The following RAD54B variants were observed in gnomAD, a reference collection of about 807,000 sequenced individuals.
The protein encoded by RAD54B is DNA repair and recombination protein RAD54B.
Under a neutral mutation model 95.8 loss-of-function variants are expected in RAD54B, and 78 were observed. The observed-to-expected ratio is 0.81, with a 90% CI of 0.68 to 0.98. The LOEUF (loss-of-function observed/expected upper bound fraction) is 0.98, where lower values mean the gene tolerates loss of function less well. RAD54B is among the 50% of genes least tolerant of loss of function. The probability of loss-of-function intolerance (pLI) is 0.00; values close to 1 mark genes in which losing one functional copy is unlikely to be tolerated. For missense variants in RAD54B, 957 were observed against 1,056.6 expected (o/e 0.91, Z 1.31); for synonymous variants, 328 against 354.9 (o/e 0.92, Z 0.85).
chr8:94,464,336 G>A (rs1812975995), intron 2 of RAD54B, among the ~76,000 whole-genome samples: 1 of 152,160 alleles, frequency 6.6e-6, no homozygotes, highest in African/African-American at 2.4e-5. Context: ...AGGGGACCAT[G>A]AGCCAAGGAA....
intron 3 of RAD54B, among the ~76,000 whole-genome samples, chr8:94,422,852 G>C (rs1343356375): frequency 6.7e-6 from 1 of 148,758 alleles, no homozygotes; most frequent in African/African-American, 2.5e-5. Context: ...AGATATAGGA[G>C]GCTATGTTCC....
chr8:94,412,370 ATT>A (rs66586571), intron 3 of RAD54B, among the ~76,000 whole-genome samples: 126,171 of 148,324 alleles, frequency 0.85, 54,789 homozygotes, highest in Non-Finnish European at 0.95. Context: ...TGCCAATTTC[ATT>A]TTTTTTTTTT....
chr8:94,392,844 T>C (rs1173451210), intron 9 of RAD54B, among the ~76,000 whole-genome samples: 1 of 131,922 alleles, frequency 7.6e-6, no homozygotes. Context: ...TTTAGTTTTG[T>C]TTTTTTTTTT....
chr8:94,453,725 G>T (rs1453712256), intron 3 of RAD54B, among the ~76,000 whole-genome samples: 1 of 152,084 alleles, frequency 6.6e-6, no homozygotes, highest in East Asian at 1.9e-4. Context: ...CTAGTAACTG[G>T]TTACCTCTGG....
intron 3 of RAD54B, chr8:94,432,232 T>C: frequency 1.3e-6 from 2 of 1,550,434 alleles, no homozygotes; most frequent in Non-Finnish European, 1.7e-6. Flanking sequence ...AGCTGCTGCC[T>C]TCTTTTCAAT....
At chr8:94,394,246 A>C (rs530146439) in intron 8 of RAD54B, among the ~76,000 whole-genome samples, 1 of 152,174 alleles carries the variant, frequency 6.6e-6, no homozygotes, top group Non-Finnish European at 1.5e-5. Flanking sequence ...AATGCAGATA[A>C]TAACAGTCGT....
intron 3 of RAD54B, among the ~76,000 whole-genome samples, chr8:94,443,322 A>ATGG (rs911041344): frequency 1.3e-5 from 2 of 152,144 alleles, no homozygotes; most frequent in Non-Finnish European, 2.9e-5. Flanking sequence ...GCCTATAGGG[A>ATGG]TGGTCAGGAG....
intron 11 of RAD54B, among the ~76,000 whole-genome samples, chr8:94,386,315 G>A (rs1810888605): frequency 6.6e-6 from 1 of 152,112 alleles, no homozygotes; most frequent in Non-Finnish European, 1.5e-5. Context: ...ATGGTACCAA[G>A]GAATAATGGG....
At chr8:94,415,027 A>C (rs1030715681) in intron 3 of RAD54B, among the ~76,000 whole-genome samples, 5 of 152,030 alleles carry the variant, frequency 3.3e-5, no homozygotes, top group Non-Finnish European at 5.9e-5. Context: ...TTTAAAGTTC[A>C]TATGGAACCA....
At chr8:94,426,668 T>C (rs1032777348) in intron 3 of RAD54B, among the ~76,000 whole-genome samples, 1 of 152,238 alleles carries the variant, frequency 6.6e-6, no homozygotes, top group Non-Finnish European at 1.5e-5. Context: ...TATAATTTTT[T>C]TTAAATTAGG....
intron 10 of RAD54B, among the ~76,000 whole-genome samples, chr8:94,389,415 C>T (rs557702250): frequency 1.3e-5 from 2 of 152,296 alleles, no homozygotes; most frequent in Admixed American, 1.3e-4. Context: ...TTAAGAGCTT[C>T]CCAGGATATT....
chr8:94,453,473 G>A (rs908344269), intron 3 of RAD54B, among the ~76,000 whole-genome samples: 8 of 152,076 alleles, frequency 5.3e-5, no homozygotes, highest in Admixed American at 1.3e-4. Context: ...AGGTTGCAGT[G>A]AGCCGAGATC....
intron 14 of RAD54B, 97 bp downstream of exon 14, chr8:94,378,083 T>C (rs1311530120): frequency 4.3e-6 from 4 of 923,194 alleles, no homozygotes; most frequent in Non-Finnish European, 4.7e-6. Flanking sequence ...CATATGCAAA[T>C]GGTAAATATT....
rs745934146 is a variant in RAD54B at position 94,393,901 on chromosome 8, G to T, written c.1379-19C>A. The T allele has an allele frequency of 3.8e-6, 6 of 1,564,686 alleles. No homozygotes were observed. Among genetic ancestry groups the T allele is most frequent in the African/African-American group, 2.8e-5 (2 of 72,228 alleles). ...GGAGTACCTAAAGAGAGACAAAAAT[G>T]AGTAAAAGGTCAAGTTTGTGTTTTA... On this transcript the variant is annotated intron_variant, in intron 8 of 14. Coordinates refer to ENST00000336148, the MANE Select transcript of RAD54B (RefSeq NM_012415.3).
At chr8:94,426,974 T>C (rs1468516352) in intron 3 of RAD54B, among the ~76,000 whole-genome samples, 1 of 152,146 alleles carries the variant, frequency 6.6e-6, no homozygotes, top group Non-Finnish European at 1.5e-5. Flanking sequence ...AAAAAAGAAT[T>C]GATGGATAAA....
At chr8:94,409,022 T>C (rs1811465455) in intron 4 of RAD54B, among the ~76,000 whole-genome samples, 1 of 152,026 alleles carries the variant, frequency 6.6e-6, no homozygotes, top group Non-Finnish European at 1.5e-5. Context: ...TCCTAGGTAT[T>C]ATGCAATGAT....
chr8:94,457,384 A>G (rs1314625579), intron 3 of RAD54B, among the ~76,000 whole-genome samples: 2 of 152,232 alleles, frequency 1.3e-5, no homozygotes, highest in African/African-American at 4.8e-5. Context: ...CACCAGTCAC[A>G]GCTTTTGAAA....
chr8:94,372,179 A>G lies in RAD54B; in HGVS notation c.2724T>C (p.Thr908=). 6.2e-7 allele frequency: 1 copy of G among 1,604,066 alleles called. No homozygotes were observed. Among genetic ancestry groups the G allele is most frequent in the Non-Finnish European group, 8.5e-7 (1 of 1,177,330 alleles). The part of the protein sequence containing the change: ...FIFQNITTQA[T]GT ...CAGAAGTAATCTTTCACTATGTGCC[A>G]GTAGCTTGAGTGGTTATATTCTGAA... The change falls in exon 15 of 15, where the codon ACT becomes ACC. Residue 908 remains threonine, a synonymous_variant. Coordinates refer to ENST00000336148, the MANE Select transcript of RAD54B (RefSeq NM_012415.3).
At chr8:94,403,539 T>C (rs1341341655) in intron 6 of RAD54B, among the ~76,000 whole-genome samples, 6 of 152,046 alleles carry the variant, frequency 3.9e-5, no homozygotes, top group South Asian at 2.1e-4. Context: ...TAGCCAGGCA[T>C]GGTGGAGCAC....
Sources: allele counts gnomAD v4.1 joint callset (sites outside exome capture counted in the v4.1 genomes callset), GRCh38; gene constraint gnomAD v4.1.1; transcripts MANE v1.5; gene names NCBI Gene and HGNC (gene_info 2026-07-23, HGNC 2026-07-21).